CAMK2D: variants seen among roughly 807,000 people sequenced by gnomAD.
CAMK2D encodes calcium/calmodulin-dependent protein kinase type II subunit delta.
Under a neutral mutation model 84.0 loss-of-function variants are expected in CAMK2D, and 37 were observed. That is an observed-to-expected ratio of 0.44 (90% CI 0.34 to 0.58). The LOEUF is 0.58. Among genes scored for constraint, CAMK2D ranks in the 20% least tolerant of loss-of-function variants. CAMK2D has a pLI of 0.02. For synonymous variants in CAMK2D, 202 were observed against 212.5 expected, an observed-to-expected ratio of 0.95 and a Z score of 0.43; for missense variants, 448 against 652.5, an observed-to-expected ratio of 0.69 and a Z score of 3.41.
intron 16 of CAMK2D, among the ~76,000 whole-genome samples, chr4:113,498,192 A>G (rs771317179): frequency 6.6e-6 from 1 of 152,210 alleles, no homozygotes; most frequent in Non-Finnish European, 1.5e-5. Context: ...AGAGAGCATA[A>G]TTATTCACAT....
At chr4:113,698,237 T>C (rs1026608209) in intron 2 of CAMK2D, among the ~76,000 whole-genome samples, 1 of 152,084 alleles carries the variant, frequency 6.6e-6, no homozygotes, top group African/African-American at 2.4e-5. Flanking sequence ...TTCTATTCAA[T>C]GTGTATCACT....
intron 2 of CAMK2D, among the ~76,000 whole-genome samples, chr4:113,673,675 A>C (rs904528707): frequency 6.6e-6 from 1 of 152,232 alleles, no homozygotes; most frequent in Admixed American, 6.5e-5. Flanking sequence ...GCTCTTCTCT[A>C]AAAGGCCCTA....
intron 17 of CAMK2D, among the ~76,000 whole-genome samples, chr4:113,464,732 G>A (rs955013159): frequency 6.6e-5 from 10 of 152,200 alleles, no homozygotes; most frequent in Non-Finnish European, 1.5e-4. Flanking sequence ...TAAAAGAGAT[G>A]CAGATAAAGT....
At chr4:113,547,776 C>A (rs560118263) in intron 5 of CAMK2D, 60 bp from the exon 6 acceptor site, 1 of 1,085,070 alleles carries the variant, frequency 9.2e-7, no homozygotes, top group Admixed American at 2.3e-5. Context: ...TGTCTGTATA[C>A]CCTCAGAGAG....
intron 4 of CAMK2D, among the ~76,000 whole-genome samples, chr4:113,574,720 A>G (rs1182826518): frequency 6.6e-6 from 1 of 152,236 alleles, no homozygotes; most frequent in Non-Finnish European, 1.5e-5. Flanking sequence ...TTCACTGGAC[A>G]GATCTTATTG....
intron 3 of CAMK2D, among the ~76,000 whole-genome samples, chr4:113,650,259 C>T (rs562056604): frequency 1.3e-4 from 20 of 151,960 alleles, no homozygotes; most frequent in African/African-American, 4.8e-4. Context: ...GTGGCTCATG[C>T]CTGTAATCCC....
chr4:113,494,400 T>C (rs1297030714), intron 16 of CAMK2D, among the ~76,000 whole-genome samples: 2 of 152,054 alleles, frequency 1.3e-5, no homozygotes, highest in Non-Finnish European at 2.9e-5. Flanking sequence ...TACCCTGCCG[T>C]GTGAGGTGTC....
chr4:113,570,903 A>G (rs1262767479), intron 4 of CAMK2D, among the ~76,000 whole-genome samples: 1 of 152,208 alleles, frequency 6.6e-6, no homozygotes, highest in Non-Finnish European at 1.5e-5. Context: ...TACATCTGAT[A>G]ATAGGTTAAT....
intron 2 of CAMK2D, among the ~76,000 whole-genome samples, chr4:113,701,638 A>G (rs1210195183): frequency 6.6e-6 from 1 of 152,254 alleles, no homozygotes; most frequent in Non-Finnish European, 1.5e-5. Flanking sequence ...CCACCCTGGG[A>G]AAGTTATGAC....
At chr4:113,697,698 T>A (rs2099406882) in intron 2 of CAMK2D, among the ~76,000 whole-genome samples, 1 of 152,062 alleles carries the variant, frequency 6.6e-6, no homozygotes, top group Non-Finnish European at 1.5e-5. Flanking sequence ...ACTCATATAA[T>A]ACCTGTTTTA....
intron 2 of CAMK2D, among the ~76,000 whole-genome samples, chr4:113,720,567 T>A (rs2099527536): frequency 6.6e-6 from 1 of 151,960 alleles, no homozygotes; most frequent in Non-Finnish European, 1.5e-5. Flanking sequence ...CTAAAAAGTA[T>A]CCTCAAATTT....
intron 4 of CAMK2D, among the ~76,000 whole-genome samples, chr4:113,563,015 T>C (rs886630383): frequency 2.6e-5 from 4 of 152,148 alleles, no homozygotes; most frequent in African/African-American, 4.8e-5. Context: ...CCCAGCTCTT[T>C]TGGGAGGCCA....
At chr4:113,627,178 A>T (rs1365488064) in intron 3 of CAMK2D, among the ~76,000 whole-genome samples, 1 of 152,174 alleles carries the variant, frequency 6.6e-6, no homozygotes, top group African/African-American at 2.4e-5. Context: ...TAATGATATT[A>T]TCCTATTAAT....
intron 2 of CAMK2D, among the ~76,000 whole-genome samples, chr4:113,688,910 C>CAAAAAAAAAAAAAAAAAAAAAAAA (rs34196728): frequency 2.0e-5 from 1 of 49,716 alleles, no homozygotes; most frequent in Non-Finnish European, 3.7e-5. Context: ...AAAGAAGATG[C>CAAAAAAAAAAAAAAAAAAAAAAAA]AAAAAAAAAA....
At chr4:113,459,410 G>T (rs959488047) in intron 18 of CAMK2D, among the ~76,000 whole-genome samples, 1 of 151,646 alleles carries the variant, frequency 6.6e-6, no homozygotes, top group African/African-American at 2.4e-5. Flanking sequence ...GTAGAGATGG[G>T]GTCTCACTAT....
intron 4 of CAMK2D, among the ~76,000 whole-genome samples, chr4:113,598,463 A>G (rs2098937414): frequency 6.6e-6 from 1 of 152,240 alleles, no homozygotes; most frequent in Admixed American, 6.5e-5. Context: ...GAATATTTAG[A>G]TGATCTTGGG....
At chr4:113,506,078 TAATATA>T (rs2098124107) in intron 13 of CAMK2D, among the ~76,000 whole-genome samples, 1 of 152,174 alleles carries the variant, frequency 6.6e-6, no homozygotes, top group Non-Finnish European at 1.5e-5. Context: ...TCCATGATTT[TAATATA>T]AATATAGATA....
chr4:113,565,011 T>C (rs921689369), intron 4 of CAMK2D, among the ~76,000 whole-genome samples: 1 of 152,208 alleles, frequency 6.6e-6, no homozygotes, highest in African/African-American at 2.4e-5. Flanking sequence ...TTACTACAGA[T>C]AAGTCAGTTG....
chr4:113,753,809 T>C, intron 2 of CAMK2D: 1 of 489,610 alleles, frequency 2.0e-6, no homozygotes, highest in Non-Finnish European at 2.6e-6. Context: ...GCGGGGGTGG[T>C]ACTTAAGCCC....
Sources: gnomAD v4.1 joint callset for allele counts (sites outside exome capture counted in the v4.1 genomes callset) on GRCh38, gnomAD v4.1.1 for gene constraint, MANE v1.5 for transcripts, NCBI Gene and HGNC (gene_info 2026-07-23, HGNC 2026-07-21) for gene names.